BBX: variants seen among roughly 807,000 people sequenced by gnomAD.
BBX encodes HMG box transcription factor BBX.
In BBX, 30 loss-of-function variants were observed where a neutral mutation model predicts 100.2. The observed-to-expected ratio is 0.30, with a 90% confidence interval of 0.22 to 0.41. BBX has a LOEUF of 0.41. Among genes scored for constraint, BBX ranks in the 10% least tolerant of loss-of-function variants. The pLI is 1.00. For missense variants in BBX, 1,023 were observed against 1,129.8 expected (o/e 0.91, Z 1.35); for synonymous variants, 376 against 388.1 (o/e 0.97, Z 0.37).
intron 2 of BBX, among the ~76,000 whole-genome samples, chr3:107,645,200 T>C (rs2057444679): frequency 6.6e-6 from 1 of 152,192 alleles, no homozygotes; most frequent in South Asian, 2.1e-4. Flanking sequence ...TAGGGATATA[T>C]ATTTGCAGTG....
intron 2 of BBX, among the ~76,000 whole-genome samples, chr3:107,606,027 C>G (rs1311548664): frequency 6.6e-6 from 1 of 152,102 alleles, no homozygotes; most frequent in African/African-American, 2.4e-5. Flanking sequence ...GTTCAGATAA[C>G]CAGGTTTATT....
At chr3:107,683,404 G>A (rs547602582) in intron 3 of BBX, among the ~76,000 whole-genome samples, 2 of 152,220 alleles carry the variant, frequency 1.3e-5, no homozygotes, top group East Asian at 1.9e-4. Flanking sequence ...AGGATGGGAA[G>A]CATAGTTTTC....
chr3:107,768,429 A>G (rs1054579821), intron 10 of BBX, among the ~76,000 whole-genome samples: 2 of 152,204 alleles, frequency 1.3e-5, no homozygotes, highest in Non-Finnish European at 2.9e-5. Flanking sequence ...TGTTCAAATC[A>G]TCTTCATGAA....
At chr3:107,768,759 T>G (rs76191693) in intron 10 of BBX, among the ~76,000 whole-genome samples, 3 of 132,016 alleles carry the variant, frequency 2.3e-5, no homozygotes, top group East Asian at 4.5e-4. Context: ...TTAAAAAAAA[T>G]TAATCTCTGG....
At chr3:107,562,917 A>G (rs1042186000) in intron 2 of BBX, among the ~76,000 whole-genome samples, 1 of 152,260 alleles carries the variant, frequency 6.6e-6, no homozygotes, top group Non-Finnish European at 1.5e-5. Context: ...ACTGCAGAGT[A>G]TAAGCCAGTG....
At chr3:107,769,375 T>C (rs75298436) in intron 10 of BBX, among the ~76,000 whole-genome samples, 4,238 of 152,274 alleles carry the variant, frequency 0.028, 207 homozygotes, top group African/African-American at 0.097. Context: ...CAGCCCAATG[T>C]AGGATGTACT....
intron 2 of BBX, among the ~76,000 whole-genome samples, chr3:107,645,206 C>T (rs903910930): frequency 2.0e-5 from 3 of 152,108 alleles, no homozygotes; most frequent in African/African-American, 7.2e-5. Context: ...TATATATTTG[C>T]AGTGTTATTA....
intron 9 of BBX, among the ~76,000 whole-genome samples, chr3:107,754,101 T>C (rs1231868310): frequency 6.6e-6 from 1 of 152,200 alleles, no homozygotes; most frequent in Non-Finnish European, 1.5e-5. Context: ...GCTCAAAATC[T>C]TATTTGCTTA....
chr3:107,613,955 T>G (rs1298618006), intron 2 of BBX, among the ~76,000 whole-genome samples: 5 of 132,806 alleles, frequency 3.8e-5, no homozygotes, highest in African/African-American at 5.6e-5. Flanking sequence ...TTTTTTTTTT[T>G]TTTTTTTTTT....
intron 3 of BBX, chr3:107,661,748 C>T: frequency 4.8e-6 from 2 of 412,938 alleles, no homozygotes; most frequent in Non-Finnish European, 6.5e-6. Context: ...CTCTTTATTT[C>T]TGTCCTCTGT....
At chr3:107,668,342 G>A (rs762542523) in intron 3 of BBX, among the ~76,000 whole-genome samples, 2 of 152,106 alleles carry the variant, frequency 1.3e-5, no homozygotes, top group African/African-American at 4.8e-5. Context: ...TTGCCCTTAG[G>A]TTAAGGTCTG....
chr3:107,579,956 A>G (rs2052147912), intron 2 of BBX, among the ~76,000 whole-genome samples: 1 of 152,040 alleles, frequency 6.6e-6, no homozygotes, highest in Admixed American at 6.6e-5. Flanking sequence ...GCTCTGGAGT[A>G]TTTTTTGTTA....
chr3:107,788,576 C>T (rs944065730), intron 13 of BBX, among the ~76,000 whole-genome samples: 4 of 151,734 alleles, frequency 2.6e-5, no homozygotes, highest in Non-Finnish European at 5.9e-5. Context: ...TGAGCCCAGC[C>T]TGGGCAACAT....
rs982266748 is a variant in BBX, at chr3:107,789,880, T to C, written c.2293+4T>C. On this transcript the variant is annotated splice_donor_region_variant and intron_variant, in intron 14 of 17. Transcript: ENST00000325805. ...AAGCCCAATGTTCCGGAAAAAGGTA[T>C]TGGTGCCCTCCATCCTCCATGAAGG... 3.9e-6 allele frequency: 6 copies of C among 1,543,278 alleles called. No homozygotes were observed. In the African/African-American group the frequency reaches 8.2e-5, roughly 21 times the overall value.
intron 2 of BBX, among the ~76,000 whole-genome samples, chr3:107,638,849 T>A (rs2057027142): frequency 7.0e-6 from 1 of 142,382 alleles, no homozygotes; most frequent in Non-Finnish European, 1.5e-5. Flanking sequence ...ATTAGCCAGG[T>A]CTGGTGGCAT....
intron 11 of BBX, among the ~76,000 whole-genome samples, chr3:107,774,115 C>T (rs765214498): frequency 6.6e-6 from 1 of 152,162 alleles, no homozygotes; most frequent in African/African-American, 2.4e-5. Flanking sequence ...GTAGTCCCAG[C>T]GCTTTGGGAG....
intron 5 of BBX, among the ~76,000 whole-genome samples, chr3:107,719,560 G>T (rs1017693585): frequency 6.6e-6 from 1 of 151,888 alleles, no homozygotes; most frequent in Non-Finnish European, 1.5e-5. Context: ...TTATTGCCCA[G>T]TGCTAATTTG....
At chr3:107,633,304 AATT>A (rs2056660054) in intron 2 of BBX, among the ~76,000 whole-genome samples, 1 of 152,086 alleles carries the variant, frequency 6.6e-6, no homozygotes, top group Non-Finnish European at 1.5e-5. Context: ...ATAATAGTTG[AATT>A]ATATTATTAT....
chr3:107,698,254 T>C (rs1448495626), intron 3 of BBX, among the ~76,000 whole-genome samples: 1 of 151,790 alleles, frequency 6.6e-6, no homozygotes, highest in African/African-American at 2.4e-5. Context: ...AAACAACGAC[T>C]AAGTCATATG....
Sources: allele counts gnomAD v4.1 joint callset (sites outside exome capture counted in the v4.1 genomes callset), GRCh38; gene constraint gnomAD v4.1.1; transcripts MANE v1.5; gene names NCBI Gene and HGNC (gene_info 2026-07-23, HGNC 2026-07-21).